KCTD1: variants seen among roughly 807,000 people sequenced by gnomAD.
KCTD1 encodes the protein BTB/POZ domain-containing protein KCTD1.
A neutral mutation model predicts 66.0 loss-of-function variants in KCTD1; 24 were observed. The observed-to-expected ratio is 0.36, with a 90% CI of 0.26 to 0.51. The LOEUF is 0.51. Among genes scored for constraint, KCTD1 ranks in the 20% least tolerant of loss-of-function variants. The pLI is 0.95. For synonymous variants in KCTD1, 511 were observed against 517.2 expected (o/e 0.99, Z 0.16); for missense variants, 943 against 1,205.2 (o/e 0.78, Z 3.22).
chr18:26,529,251 A>G (rs1451389246), intron 1 of KCTD1, among the ~76,000 whole-genome samples: 2 of 152,072 alleles, frequency 1.3e-5, no homozygotes, highest in East Asian at 3.9e-4. Flanking sequence ...TCCCTCTGCA[A>G]TCCATGGTCC....
rs1246210388 is a variant in KCTD1, at chr18:26,580,939, G to A, written c.-16+48208C>T. 2.6e-5 allele frequency among the ~76,000 whole-genome samples: 4 copies of A among 152,286 alleles called. No homozygotes were observed. In the East Asian group the frequency reaches 7.7e-4, roughly 29 times the overall value. ...GCTGCGTTTGTGCTGAAATAGCAGA[G>A]TTAATAGTGGTGATGAGATTGTATG... On this transcript the variant is annotated intron_variant, in intron 1 of 4. Transcript: ENST00000317932.
At position 26,455,110 on chromosome 18, in the gene KCTD1, C is replaced by CA. The variant is rs562891846; in HGVS notation, c.*632dup. 1.3e-5 allele frequency: 2 copies of CA among 152,570 alleles called. No individual in the cohort carries two copies. Among genetic ancestry groups the CA allele is most frequent in the African/African-American group, 4.8e-5 (2 of 41,440 alleles). The allele number at this position is 152,570 out of a possible 1,614,324, so 9.5% of individuals were successfully genotyped here. On this transcript the variant is annotated 3_prime_UTR_variant, in exon 5 of 5. Coordinates refer to ENST00000580059, the MANE Select transcript of KCTD1 (RefSeq NM_001142730.3). ...TTGGCAAAACTGATCAGTTTTAAAA[C>CA]AAAGTAAAGTTCACATCTGTGAGGT...
At chr18:26,570,868 G>A (rs982864483) in intron 1 of KCTD1, among the ~76,000 whole-genome samples, 1 of 152,226 alleles carries the variant, frequency 6.6e-6, no homozygotes, top group Non-Finnish European at 1.5e-5. Context: ...CTCTAAGAAT[G>A]CCTCAGTCAT....
At chr18:26,458,315 A>G (rs914690934) in intron 4 of KCTD1, 1 of 152,254 alleles carries the variant, frequency 6.6e-6, no homozygotes, top group Admixed American at 6.5e-5. Flanking sequence ...GTAGTGGAAC[A>G]ATCCTCAAGA....
At position 26,601,326 on chromosome 18, in the gene KCTD1, T is replaced by TTA. The variant is rs1555646203; in HGVS notation, c.-16+27820_-16+27821insTA. Among the ~76,000 whole-genome samples the TTA allele has an allele frequency of 8.1e-4, 76 of 93,266 alleles. 12 individuals are homozygous for TTA. Among genetic ancestry groups the TTA allele is most frequent in the Non-Finnish European group, 8.9e-4 (45 of 50,474 alleles). The allele number at this position is 93,266 out of a possible 152,430, so 61.2% of individuals were successfully genotyped here. A position where few individuals can be genotyped will look rare whatever the true frequency, so the allele number is the denominator to read the frequency against. ...GCCAGTAAATAAAAGTGTTCATTGGTAAAAAAAAAAAAAAAAAAAAAAAGA... is the reference window on the plus strand; with the variant it reads ...GCCAGTAAATAAAAGTGTTCATTGGTTAAAAAAAAAAAAAAAAAAAAAAAAGA... On this transcript the variant is annotated intron_variant, in intron 1 of 4. Transcript: ENST00000317932.
At chr18:26,585,337 A>G (rs1012212323) in intron 1 of KCTD1, among the ~76,000 whole-genome samples, 1 of 152,234 alleles carries the variant, frequency 6.6e-6, no homozygotes, top group Admixed American at 6.5e-5. Context: ...TACCATCCAA[A>G]TGGAATTCTC....
At chr18:26,650,750 T>C (rs988871293) in intron 1 of KCTD1, among the ~76,000 whole-genome samples, 1 of 152,204 alleles carries the variant, frequency 6.6e-6, no homozygotes. Context: ...TTTACACACA[T>C]TTTCTGTTCC....
chr18:26,608,741 A>G (rs1335556144), intron 1 of KCTD1, among the ~76,000 whole-genome samples: 1 of 152,200 alleles, frequency 6.6e-6, no homozygotes, highest in Non-Finnish European at 1.5e-5. Context: ...TATATTGAAC[A>G]CAGTATATTT....
chr18:26,575,631 GC>G, intron 1 of KCTD1: 1 of 152,332 alleles, frequency 6.6e-6, no homozygotes, highest in East Asian at 1.9e-4. Context: ...GAAAGGGAAA[GC>G]CTTTATTTGC....
intron 1 of KCTD1, among the ~76,000 whole-genome samples, chr18:26,588,029 T>A (rs1301571541): frequency 6.6e-6 from 1 of 152,162 alleles, no homozygotes; most frequent in Non-Finnish European, 1.5e-5. Context: ...TTGAAAGAAG[T>A]CCTACTGTGG....
intron 1 of KCTD1, among the ~76,000 whole-genome samples, chr18:26,527,748 T>TG (rs1311735118): frequency 3.3e-5 from 5 of 152,194 alleles, no homozygotes; most frequent in African/African-American, 1.2e-4. Flanking sequence ...TGTGCCTTTT[T>TG]GGGGGCAGGA....
chr18:26,548,486 G>C lies in KCTD1; in HGVS notation c.51C>G (p.Ser17Arg), dbSNP rs1009872669. 1.3e-5 allele frequency: 16 copies of C among 1,245,694 alleles called. No individual in the cohort carries two copies. Among genetic ancestry groups the C allele is most frequent in the Non-Finnish European group, 1.6e-5 (16 of 1,001,972 alleles). The allele number at this position is 1,245,694 out of a possible 1,614,324, so 77.2% of individuals were successfully genotyped here. Residue 17 changes from serine (S) to arginine (R), a missense_variant, in exon 1 of 5, where the codon AGC becomes AGG. Transcript: ENST00000580059. ...CGGCGGCGGCGGCGGCAGCGCTGGC[G>C]CTGCCGCCCGCGCTGGTGTTACAGT... ...SGDCNTSAGG[S>R]ASAAAAAAEN...
intron 1 of KCTD1, among the ~76,000 whole-genome samples, chr18:26,656,733 G>A (rs920397648): frequency 6.6e-6 from 1 of 151,470 alleles, no homozygotes; most frequent in African/African-American, 2.4e-5. Context: ...CCCTACCCCC[G>A]GCAGGAGCGC....
At chr18:26,482,290 A>G (rs1400504177) in intron 2 of KCTD1, among the ~76,000 whole-genome samples, 1 of 152,194 alleles carries the variant, frequency 6.6e-6, no homozygotes, top group Non-Finnish European at 1.5e-5. Flanking sequence ...CAAGGAAATC[A>G]TTGGTAGACT....
intron 1 of KCTD1, among the ~76,000 whole-genome samples, chr18:26,555,992 A>G (rs899962500): frequency 6.6e-6 from 1 of 151,838 alleles, no homozygotes; most frequent in African/African-American, 2.4e-5. Flanking sequence ...AGGAGTGGGT[A>G]TGTACCTGCC....
intron 1 of KCTD1, among the ~76,000 whole-genome samples, chr18:26,517,928 A>C (rs1169701905): frequency 6.6e-6 from 1 of 152,230 alleles, no homozygotes; most frequent in East Asian, 1.9e-4. Context: ...AGACAGACTC[A>C]GAGTGGGTGG....
At chr18:26,541,137 G>T (rs750263736) in intron 1 of KCTD1, among the ~76,000 whole-genome samples, 22 of 152,108 alleles carry the variant, frequency 1.4e-4, no homozygotes, top group Non-Finnish European at 2.9e-4. Context: ...TTACATAAAT[G>T]AACTCATCAC....
At chr18:26,612,813 C>T (rs116629282) in intron 1 of KCTD1, among the ~76,000 whole-genome samples, 426 of 152,322 alleles carry the variant, frequency 2.8e-3, no homozygotes, top group African/African-American at 9.6e-3. Context: ...AAGCATAGGG[C>T]TCAGCACATG....
upstream of KCTD1, among the ~76,000 whole-genome samples, chr18:26,552,826 A>G (rs894938989): frequency 1.3e-5 from 2 of 152,184 alleles, no homozygotes; most frequent in Non-Finnish European, 2.9e-5. Flanking sequence ...CAGAGGCCAG[A>G]AAAAGCATTT....
Sources: gnomAD v4.1 joint callset for allele counts (sites outside exome capture counted in the v4.1 genomes callset) on GRCh38, gnomAD v4.1.1 for gene constraint, MANE v1.5 for transcripts, NCBI Gene and HGNC (gene_info 2026-07-23, HGNC 2026-07-21) for gene names.